The following FGD2 variants were observed in gnomAD, a reference collection of about 807,000 sequenced individuals.
FGD2 encodes the protein FYVE, RhoGEF and PH domain-containing protein 2.
In FGD2, 52 loss-of-function variants were observed where a neutral mutation model predicts 75.9. That is an observed-to-expected ratio of 0.69 (90% CI 0.55 to 0.86). FGD2 has a LOEUF of 0.86. Ranked by LOEUF, FGD2 falls within the 40% of genes least tolerant of loss-of-function variation. FGD2 has a pLI of 0.00. For missense variants in FGD2, 790 were observed against 872.0 expected (o/e 0.91, Z 1.18); for synonymous variants, 347 against 348.6 (o/e 1.00, Z 0.05).
chr6:37,011,919 C>T, intron 4 of FGD2, 65 bp downstream of exon 4: 3 of 1,558,438 alleles, frequency 1.9e-6, no homozygotes, highest in Non-Finnish European at 2.6e-6. Context: ...GGTGGGGAGA[C>T]CCCAGGGCGC....
chr6:37,020,556 G>A lies in FGD2; in HGVS notation c.1138G>A (p.Asp380Asn). 1 of 1,607,822 alleles carries A rather than the reference G, an allele frequency of 6.2e-7. No homozygotes were observed. The highest frequency in any genetic ancestry group is 1.3e-5 in the African/African-American group (1 of 74,966). Residue 380 changes from aspartate to asparagine, a missense_variant, in exon 10 of 16, where the codon GAT (aspartate) becomes AAT (asparagine). Asp to Asn is a conservative substitution (Grantham distance 23). Coordinates refer to ENST00000274963, the MANE Select transcript of FGD2 (RefSeq NM_173558.4). ...VAGMKVRELM[D>N]AEFPHSFLVS... is the part of the protein sequence containing the mutation. ...CTCTTGGCAGGTGCGGGAGCTGATG[G>A]ATGCTGAGTTTCCCCACTCCTTCCT... is the stretch of plus-strand genomic sequence containing the variant.
intron 11 of FGD2, 145 bp downstream of exon 11, chr6:37,020,884 A>G (rs906279154): frequency 6.1e-6 from 5 of 824,534 alleles, no homozygotes; most frequent in Non-Finnish European, 8.8e-6. Flanking sequence ...TGGTGTATGT[A>G]TGCATGTGTG....
intron 14 of FGD2, among the ~76,000 whole-genome samples, chr6:37,026,749 C>T (rs1765838537): frequency 6.6e-6 from 1 of 151,958 alleles, no homozygotes; most frequent in Admixed American, 6.6e-5. Flanking sequence ...CCTGTAATCC[C>T]AGCACTTTGG....
rs1224253395 is a variant in FGD2 at position 37,005,693 on chromosome 6, A to G, written c.-125A>G. On this transcript the variant is annotated 5_prime_UTR_variant, in exon 1 of 16. Coordinates refer to ENST00000274963, the MANE Select transcript of FGD2 (RefSeq NM_173558.4). ...GAGCCGACCTTCTGAGCCCTCAAGAAAGATCAGAACAGATTCATGGGTGAT... is the reference window on the plus strand; with the variant it reads ...GAGCCGACCTTCTGAGCCCTCAAGAGAGATCAGAACAGATTCATGGGTGAT... The G allele has an allele frequency of 3.1e-5, 32 of 1,032,102 alleles. No homozygotes were observed. Among genetic ancestry groups the G allele is most frequent in the Admixed American group, 6.3e-5 (3 of 47,946 alleles). 63.9% of individuals were successfully genotyped at this position (1,032,102 alleles called of 1,614,324 possible).
At chr6:37,009,112 T>G in intron 2 of FGD2, 47 bp downstream of exon 2, 1 of 1,558,504 alleles carries the variant, frequency 6.4e-7, no homozygotes. Context: ...GGTGGGGAGC[T>G]CTCCCTGACC....
Position 37,027,005 on chromosome 6 carries a change from T to C in FGD2, c.1606-424T>C, listed in dbSNP as rs563083646. 6.1e-4 allele frequency among the ~76,000 whole-genome samples: 92 copies of C among 149,662 alleles called. 1 individual carries two copies. The South Asian group carries it at 0.019, about 30-fold the overall frequency. ...CCTGAGCAACAAGAGAGAAACTATC[T>C]GAAAAAAAAAAAAAAGTTGGCCTTT... On this transcript the variant is annotated intron_variant, in intron 14 of 15. Transcript: ENST00000274963.
chr6:37,020,275 A>C (rs555506882), intron 9 of FGD2, among the ~76,000 whole-genome samples: 33 of 152,342 alleles, frequency 2.2e-4, no homozygotes, highest in Admixed American at 1.4e-3. Flanking sequence ...ATTGTCAAAA[A>C]TTGTCATCTC....
intron 15 of FGD2, 136 bp from the exon 16 acceptor site, chr6:37,027,812 G>A: frequency 1.8e-6 from 2 of 1,085,358 alleles, no homozygotes; most frequent in South Asian, 1.5e-5. Flanking sequence ...TTCCTCGATG[G>A]CCTTCACCAG....
At chr6:37,005,951 A>T in intron 1 of FGD2, 66 bp downstream of exon 1, 1 of 1,571,138 alleles carries the variant, frequency 6.4e-7, no homozygotes, top group Non-Finnish European at 8.7e-7. Flanking sequence ...CCTTTCTGGC[A>T]GCTCTCTCCC....
chr6:37,019,855 C>CTTTTTTTTTTTTT (rs11385767), intron 9 of FGD2, among the ~76,000 whole-genome samples: 1 of 136,218 alleles, frequency 7.3e-6, no homozygotes, highest in Non-Finnish European at 1.5e-5. Context: ...CTTTTCTTTT[C>CTTTTTTTTTTTTT]TTTTTTTTTT....
In FGD2 at chr6:37,025,843, A is replaced by T; in HGVS notation, c.1510A>T (p.Asn504Tyr). The change falls in exon 14 of 16, where the codon AAC becomes TAC. Residue 504 changes from asparagine (N) to tyrosine (Y), a missense_variant. Transcript: ENST00000274963. ...DYRAELKYDD[N>Y]RPNRVCLHCY... The stretch of plus-strand genomic sequence containing the variant: ...CCGGGCCGAACTGAAATACGACGAC[A>T]ACAGGCCCAACCGAGTCTGCCTCCA... 6.2e-7 allele frequency: 1 copy of T among 1,614,156 alleles called. No homozygotes were observed. The highest frequency in any genetic ancestry group is 8.5e-7 in the Non-Finnish European group (1 of 1,180,020).
At chr6:37,026,525 C>T (rs1031318719) in intron 14 of FGD2, among the ~76,000 whole-genome samples, 16 of 150,888 alleles carry the variant, frequency 1.1e-4, no homozygotes, top group African/African-American at 3.6e-4. Context: ...CCCACAGGTG[C>T]TCCCCTGTGG....
intron 4 of FGD2, 172 bp from the exon 5 acceptor site, chr6:37,013,437 T>A (rs868024605): frequency 7.1e-7 from 1 of 1,417,564 alleles, no homozygotes; most frequent in African/African-American, 1.4e-5. Flanking sequence ...AGGCTCACAG[T>A]CTAAGGAGTA....
chr6:37,028,981 G>C lies in FGD2; in HGVS notation c.*818G>C, dbSNP rs1420766214. On this transcript the variant is annotated 3_prime_UTR_variant, in exon 16 of 16. Coordinates refer to ENST00000274963, the MANE Select transcript of FGD2 (RefSeq NM_173558.4). ...GGTTACCTGGGATGAAGAATAAAGAGAGCAAACTACCACAACCAATGGTTG... is the reference window on the plus strand; with the variant it reads ...GGTTACCTGGGATGAAGAATAAAGACAGCAAACTACCACAACCAATGGTTG... The C allele has an allele frequency of 1.3e-5, 2 of 151,932 alleles. No homozygotes were observed. Among genetic ancestry groups the C allele is most frequent in the East Asian group, 1.9e-4 (1 of 5,172 alleles). 9.4% of individuals were successfully genotyped at this position (151,932 alleles called of 1,614,324 possible). A position where few individuals can be genotyped will look rare whatever the true frequency, so the allele number is the denominator to read the frequency against.
rs141313572 is a variant in FGD2, at chr6:37,012,620, G to A, written c.527+766G>A. ...CCAGCTACTCAGGAGGCTGAGGTTGGAGGATTGCTGGAGCCCGGAAAGTCG... is the reference window on the plus strand; with the variant it reads ...CCAGCTACTCAGGAGGCTGAGGTTGAAGGATTGCTGGAGCCCGGAAAGTCG... On this transcript the variant is annotated intron_variant, in intron 4 of 15. Transcript: ENST00000274963. Among the ~76,000 whole-genome samples, 1,412 of 151,524 alleles carry A rather than the reference G, an allele frequency of 9.3e-3. 23 individuals are homozygous for A. Among genetic ancestry groups the A allele is most frequent in the African/African-American group, 0.03 (1,238 of 41,298 alleles).
rs769587130 is a variant in FGD2 at position 37,010,945 on chromosome 6, T to C, written c.301-28T>C. On this transcript the variant is annotated intron_variant, in intron 2 of 15. Transcript: ENST00000274963. Reference sequence around the variant, plus strand: ...ACCAAAGCTGTCTTCCCCCTTTTTCTCCTTCTCTCCCCTCCAATCCTCCGC... The same window carrying C: ...ACCAAAGCTGTCTTCCCCCTTTTTCCCCTTCTCTCCCCTCCAATCCTCCGC... 5.6e-6 allele frequency: 9 copies of C among 1,611,126 alleles called. No homozygotes were observed. The South Asian group carries it at 8.8e-5, about 16-fold the overall frequency.
In FGD2 at chr6:37,005,915, A is replaced by G. The variant is rs780341572; in HGVS notation, c.68+30A>G. On this transcript the variant is annotated intron_variant, in intron 1 of 15. Transcript: ENST00000274963. ...GGGCAGCTGGGGTGGGAGGGTCACC[A>G]TGGTGGGCTGGCAGCCACCCTCCAG... 5 of 1,609,584 alleles carry G rather than the reference A, an allele frequency of 3.1e-6. No homozygotes were observed. In the African/African-American group the frequency reaches 5.3e-5, roughly 17 times the overall value.
chr6:37,012,601 A>T (rs535158239), intron 4 of FGD2, among the ~76,000 whole-genome samples: 4 of 151,524 alleles, frequency 2.6e-5, no homozygotes, highest in African/African-American at 9.7e-5. Context: ...AGTCCCAGCT[A>T]CTCAGGAGGC....
At position 37,020,756 on chromosome 6, in the gene FGD2, A is replaced by T. The variant is rs1765539295; in HGVS notation, c.1233+17A>T. ...TGGATGCAGGTATGGGAACGCTCCG[A>T]GGCTTCTGGGAGTCTTTTTCCTTTC... On this transcript the variant is annotated intron_variant, in intron 11 of 15. Transcript: ENST00000274963. 6.4e-7 allele frequency: 1 copy of T among 1,560,072 alleles called. No homozygotes were observed.
Sources: gnomAD v4.1 joint callset for allele counts (sites outside exome capture counted in the v4.1 genomes callset) on GRCh38, gnomAD v4.1.1 for gene constraint, MANE v1.5 for transcripts, NCBI Gene and HGNC (gene_info 2026-07-23, HGNC 2026-07-21) for gene names.